Variants in PCCA observed in about 807,000 individuals in gnomAD.
PCCA encodes the protein propionyl-CoA carboxylase alpha chain, mitochondrial.
A neutral mutation model predicts 101.3 loss-of-function variants in PCCA; 74 were observed. That is an observed-to-expected ratio of 0.73 (90% CI 0.61 to 0.89). PCCA has a LOEUF of 0.89. PCCA is among the 40% of genes least tolerant of loss of function. The pLI is 0.00. For synonymous variants in PCCA, 294 were observed against 313.6 expected (o/e 0.94, Z 0.66); for missense variants, 891 against 907.0 (o/e 0.98, Z 0.23).
intron 6 of PCCA, among the ~76,000 whole-genome samples, chr13:100,200,306 A>G (rs2058394716): frequency 6.6e-6 from 1 of 152,096 alleles, no homozygotes; most frequent in Non-Finnish European, 1.5e-5. Context: ...GGGTTTCACC[A>G]TGTTAGCTAG....
chr13:100,299,087 A>C (rs2065856534), intron 12 of PCCA, among the ~76,000 whole-genome samples: 1 of 152,156 alleles, frequency 6.6e-6, no homozygotes, highest in Non-Finnish European at 1.5e-5. Context: ...CAAAAGGTAA[A>C]TGTTTTTTAA....
chr13:100,340,023 G>A (rs995805560), intron 17 of PCCA, 134 bp from the exon 18 acceptor site: 2 of 705,858 alleles, frequency 2.8e-6, no homozygotes, highest in African/African-American at 3.5e-5. Flanking sequence ...ACACCCCAGT[G>A]CCTAGTACAA....
chr13:100,191,627 T>C (rs939850928), intron 6 of PCCA, among the ~76,000 whole-genome samples: 3 of 152,222 alleles, frequency 2.0e-5, no homozygotes, highest in Admixed American at 6.5e-5. Flanking sequence ...TTCCTTACTT[T>C]CTTTTATACA....
chr13:100,284,747 T>G (rs183757581), intron 12 of PCCA, among the ~76,000 whole-genome samples: 1 of 152,336 alleles, frequency 6.6e-6, no homozygotes, highest in East Asian at 1.9e-4. Flanking sequence ...TATATTTCCC[T>G]GCACTCTGAT....
chr13:100,321,826 C>T (rs1287138417), intron 16 of PCCA, among the ~76,000 whole-genome samples: 2 of 151,992 alleles, frequency 1.3e-5, no homozygotes, highest in Non-Finnish European at 2.9e-5. Flanking sequence ...AATTTAGATA[C>T]ATAGCATCTC....
rs1292894485 is a variant in PCCA at position 100,368,496 on chromosome 13, A to G, written c.1668A>G (p.Ile556Met). Residue 556 changes from isoleucine (I) to methionine (M), a missense_variant, in exon 19 of 24, where the codon ATA becomes ATG. By Grantham distance (10) the Ile-to-Met change is conservative (BLOSUM62 1). Transcript: ENST00000376285. ...GAATGCCTGTTATTAAACCAGACAT[A>G]GCCAACTGGGAGCTCTCAGTAAAAT... ...NSRMPVIKPD[I>M]ANWELSVKLH... The G allele has an allele frequency of 1.4e-5, 23 of 1,605,378 alleles. No homozygotes were observed. Among genetic ancestry groups the G allele is most frequent in the Non-Finnish European group, 2.0e-5 (23 of 1,172,510 alleles).
intron 19 of PCCA, among the ~76,000 whole-genome samples, chr13:100,397,231 G>A (rs367712899): frequency 1.3e-5 from 2 of 152,174 alleles, no homozygotes; most frequent in African/African-American, 2.4e-5. Context: ...TGGCTGGGTC[G>A]AGGTGTCATC....
chr13:100,347,978 C>T (rs796423569), intron 18 of PCCA, among the ~76,000 whole-genome samples: 23 of 152,264 alleles, frequency 1.5e-4, no homozygotes, highest in African/African-American at 4.3e-4. Context: ...CTAAGTGAAG[C>T]TATGTTTCTG....
chr13:100,459,963 T>C (rs920006621), intron 21 of PCCA, among the ~76,000 whole-genome samples: 25 of 152,246 alleles, frequency 1.6e-4, no homozygotes, highest in Non-Finnish European at 3.4e-4. Context: ...CCCACCCTCA[T>C]GACCTCCTCT....
chr13:100,462,084 A>G (rs1259757347), intron 21 of PCCA, among the ~76,000 whole-genome samples: 3 of 152,174 alleles, frequency 2.0e-5, no homozygotes, highest in Admixed American at 6.5e-5. Flanking sequence ...AAGAAAATCT[A>G]TAGCATTCCT....
At chr13:100,469,705 C>CTG (rs2082841046) in intron 21 of PCCA, among the ~76,000 whole-genome samples, 1 of 149,554 alleles carries the variant, frequency 6.7e-6, no homozygotes, top group Admixed American at 6.7e-5. Context: ...GCTTGAAACC[C>CTG]GGAGGCTGAG....
intron 20 of PCCA, among the ~76,000 whole-genome samples, chr13:100,431,377 ATTGTT>A (rs2079538784): frequency 6.6e-6 from 1 of 151,856 alleles, no homozygotes; most frequent in Non-Finnish European, 1.5e-5. Context: ...TTCTGTTTTT[ATTGTT>A]TTAAGTTATC....
chr13:100,427,648 G>A (rs994214833), intron 20 of PCCA, among the ~76,000 whole-genome samples: 3 of 151,512 alleles, frequency 2.0e-5, no homozygotes, highest in Non-Finnish European at 2.9e-5. Flanking sequence ...GGAAGAGGTC[G>A]TTGCATCAAG....
chr13:100,360,402 G>T lies in PCCA; in HGVS notation c.1644-8070G>T, dbSNP rs536380913. 2.6e-5 allele frequency among the ~76,000 whole-genome samples: 4 copies of T among 152,178 alleles called. No homozygotes were observed. In the South Asian group the frequency reaches 8.3e-4, roughly 32 times the overall value. ...TGGTCTACAAATTTTCCTGAAATGG[G>T]CTCACCCCTGTCTCCTACCACACAG... On this transcript the variant is annotated intron_variant, in intron 18 of 23. Transcript: ENST00000376285.
intron 6 of PCCA, among the ~76,000 whole-genome samples, chr13:100,182,824 G>A (rs1737423199): frequency 6.6e-6 from 1 of 152,058 alleles, no homozygotes; most frequent in South Asian, 2.1e-4. Context: ...GACCCTGATA[G>A]GTCTAGTTTG....
intron 7 of PCCA, among the ~76,000 whole-genome samples, chr13:100,211,344 T>A (rs947529074): frequency 6.6e-6 from 1 of 152,228 alleles, no homozygotes; most frequent in African/African-American, 2.4e-5. Flanking sequence ...ATCTTTCACT[T>A]AATCTTTTCT....
At chr13:100,344,572 G>A (rs1486025020) in intron 18 of PCCA, among the ~76,000 whole-genome samples, 1 of 152,100 alleles carries the variant, frequency 6.6e-6, no homozygotes, top group African/African-American at 2.4e-5. Context: ...GACTTCAACG[G>A]TGTTCCTTAA....
chr13:100,371,751 G>A (rs936142693), intron 19 of PCCA, among the ~76,000 whole-genome samples: 1 of 152,126 alleles, frequency 6.6e-6, no homozygotes, highest in Admixed American at 6.5e-5. Flanking sequence ...TGAAATAGAA[G>A]AAGAAAGTTG....
At chr13:100,268,856 T>G in intron 11 of PCCA, 73 bp downstream of exon 11, 1 of 1,042,286 alleles carries the variant, frequency 9.6e-7, no homozygotes, top group Non-Finnish European at 1.5e-6. Flanking sequence ...TCATTCATCA[T>G]TCACTGACGC....
Sources: gnomAD v4.1 joint callset for allele counts (sites outside exome capture counted in the v4.1 genomes callset) on GRCh38, gnomAD v4.1.1 for gene constraint, MANE v1.5 for transcripts, NCBI Gene and HGNC (gene_info 2026-07-23, HGNC 2026-07-21) for gene names.